Variants in ARID1B observed in about 807,000 individuals in gnomAD.
ARID1B encodes the protein AT-rich interaction domain 1B, also known as AT-rich interactive domain-containing protein 1B.
In ARID1B, 30 loss-of-function variants were observed where a neutral mutation model predicts 212.3. The observed-to-expected ratio is 0.14, with a 90% CI of 0.11 to 0.19. The LOEUF is 0.19. Among genes scored for constraint, ARID1B ranks in the 10% least tolerant of loss-of-function variants. The probability of loss-of-function intolerance (pLI) is 1.00; values close to 1 mark genes in which losing one functional copy is unlikely to be tolerated. For synonymous variants in ARID1B, 1,402 were observed against 1,301.7 expected, an observed-to-expected ratio of 1.08 and a Z score of -1.66; for missense variants, 2,891 against 3,204.0, an observed-to-expected ratio of 0.90 and a Z score of 2.36.
intron 2 of ARID1B, among the ~76,000 whole-genome samples, chr6:156,838,733 A>AATAAT (rs1049287456): frequency 2.0e-5 from 3 of 149,678 alleles, no homozygotes; most frequent in Non-Finnish European, 4.4e-5. Context: ...TAATAATAAT[A>AATAAT]AACAAAAAAA....
At chr6:157,117,625 G>T (rs1787409935) in intron 6 of ARID1B, among the ~76,000 whole-genome samples, 1 of 152,200 alleles carries the variant, frequency 6.6e-6, no homozygotes, top group Non-Finnish European at 1.5e-5. Flanking sequence ...GCAGGCTGGG[G>T]CTTCACAGAT....
intron 2 of ARID1B, among the ~76,000 whole-genome samples, chr6:156,847,205 G>A (rs994773033): frequency 6.6e-6 from 1 of 151,984 alleles, no homozygotes; most frequent in African/African-American, 2.4e-5. Flanking sequence ...TTAATACTGT[G>A]CTATCTGGTA....
In ARID1B at chr6:157,110,819, T is replaced by C. The variant is rs1360354137; in HGVS notation, c.2581+258T>C. ...TGTGTCCACATAGCACCATGAAGCA[T>C]GGTTCACATATGACTGTAGTCTGGT... On this transcript the variant is annotated intron_variant, in intron 6 of 19. Coordinates refer to ENST00000636930, the MANE Select transcript of ARID1B (RefSeq NM_001374828.1). 1.3e-5 allele frequency: 7 copies of C among 542,830 alleles called. No homozygotes were observed. In the African/African-American group the frequency reaches 1.3e-4, roughly 10 times the overall value. The allele number at this position is 542,830 out of a possible 1,614,324, so 33.6% of individuals were successfully genotyped here.
intron 1 of ARID1B, among the ~76,000 whole-genome samples, chr6:156,805,687 AATT>A (rs2127960313): frequency 6.6e-6 from 1 of 152,182 alleles, no homozygotes; most frequent in South Asian, 2.1e-4. Flanking sequence ...GCAACTTTTT[AATT>A]ATTTATTTAA....
chr6:156,893,954 G>T (rs1030514560), intron 2 of ARID1B, among the ~76,000 whole-genome samples: 5 of 152,098 alleles, frequency 3.3e-5, no homozygotes, highest in Non-Finnish European at 7.3e-5. Flanking sequence ...ACCCCAAGAC[G>T]TAAAAGCAAC....
At chr6:156,874,887 G>A (rs1786421871) in intron 2 of ARID1B, among the ~76,000 whole-genome samples, 1 of 152,122 alleles carries the variant, frequency 6.6e-6, no homozygotes, top group Non-Finnish European at 1.5e-5. Context: ...CTTGACTTAT[G>A]GTAATTGGAA....
intron 2 of ARID1B, among the ~76,000 whole-genome samples, chr6:156,833,002 C>T (rs1261359787): frequency 1.3e-5 from 2 of 152,190 alleles, no homozygotes; most frequent in Admixed American, 6.5e-5. Flanking sequence ...TAGTTTTGCA[C>T]GGTGCCCTAA....
At chr6:157,039,919 T>TTCCTTCC (rs1562570208) in intron 4 of ARID1B, among the ~76,000 whole-genome samples, 1 of 104,570 alleles carries the variant, frequency 9.6e-6, no homozygotes. Context: ...TCCTTCCTTC[T>TTCCTTCC]TTCTTTTCTT....
chr6:157,152,786 G>A (rs1790298534), intron 8 of ARID1B, among the ~76,000 whole-genome samples: 2 of 152,184 alleles, frequency 1.3e-5, no homozygotes. Context: ...GGCTCTGTTA[G>A]GTTGAAGTTA....
chr6:156,854,725 T>C (rs1020072778), intron 2 of ARID1B, among the ~76,000 whole-genome samples: 2 of 152,278 alleles, frequency 1.3e-5, no homozygotes, highest in Non-Finnish European at 2.9e-5. Flanking sequence ...AACACTGTGC[T>C]ATTTGCTTGT....
At chr6:156,832,077 A>G (rs1351592171) in intron 2 of ARID1B, among the ~76,000 whole-genome samples, 1 of 152,244 alleles carries the variant, frequency 6.6e-6, no homozygotes, top group Non-Finnish European at 1.5e-5. Flanking sequence ...ATAACATTTT[A>G]AAGAAGACAT....
intron 4 of ARID1B, among the ~76,000 whole-genome samples, chr6:157,044,656 T>G (rs1782108740): frequency 6.6e-6 from 1 of 152,236 alleles, no homozygotes; most frequent in African/African-American, 2.4e-5. Flanking sequence ...CTCTGTATCT[T>G]TTGTTACATT....
At chr6:156,992,474 G>C (rs1778326702) in intron 4 of ARID1B, among the ~76,000 whole-genome samples, 1 of 152,218 alleles carries the variant, frequency 6.6e-6, no homozygotes, top group South Asian at 2.1e-4. Flanking sequence ...TGGTTCCACA[G>C]CTTTGTTCTA....
chr6:156,780,745 A>G (rs1450945111), intron 1 of ARID1B, among the ~76,000 whole-genome samples: 4 of 152,254 alleles, frequency 2.6e-5, no homozygotes, highest in African/African-American at 7.2e-5. Flanking sequence ...ACAGAAAAAC[A>G]GTTCGCTGGT....
intron 1 of ARID1B, among the ~76,000 whole-genome samples, chr6:156,818,287 A>G (rs532860002): frequency 1.3e-5 from 2 of 152,158 alleles, no homozygotes; most frequent in African/African-American, 4.8e-5. Context: ...CCAGGGGCAA[A>G]TAGCCTGTGT....
Position 156,966,381 on chromosome 6 carries a change from CTTTTCTTTT to C in ARID1B, c.2247+30810_2247+30818del, listed in dbSNP as rs1291221073. Among the ~76,000 whole-genome samples, 529 of 89,296 alleles carry C rather than the reference CTTTTCTTTT, an allele frequency of 5.9e-3. 1 individual carries two copies. The highest frequency in any genetic ancestry group is 0.019 in the African/African-American group (502 of 26,124). The allele number at this position is 89,296 out of a possible 152,430, so 58.6% of individuals were successfully genotyped here. A position where few individuals can be genotyped will look rare whatever the true frequency, so the allele number is the denominator to read the frequency against. On this transcript the variant is annotated intron_variant, in intron 4 of 19. Transcript: ENST00000636930. ...TACAGACATAAATAACTTTTCTTTT[CTTTTCTTTT>C]TTTTTTTTTTTTTTTTTTTTGAGAC...
intron 4 of ARID1B, chr6:157,022,951 T>G (rs1283173469): frequency 2.2e-5 from 2 of 89,246 alleles, no homozygotes; most frequent in African/African-American, 7.1e-5. Context: ...ATTAACATTC[T>G]TCTGTTTTTA....
intron 7 of ARID1B, chr6:157,140,811 G>A (rs1000132662): frequency 2.5e-5 from 10 of 395,568 alleles, no homozygotes; most frequent in African/African-American, 4.1e-5. Context: ...CTTCTGCCCC[G>A]GGAGAGGCAG....
Position 156,906,425 on chromosome 6 carries a change from A to G in ARID1B, c.2136+4900A>G, listed in dbSNP as rs563282707. Among the ~76,000 whole-genome samples the G allele has an allele frequency of 4.0e-5, 6 of 151,716 alleles. No homozygotes were observed. In the East Asian group the frequency reaches 1.2e-3, roughly 29 times the overall value. ...AGCTGGGCGTGGAGGCGCGTCTGTA[A>G]TCCCAGCTACTCGGGAGGCTGAGGC... On this transcript the variant is annotated intron_variant, in intron 3 of 19. Transcript: ENST00000636930.
Sources: allele counts gnomAD v4.1 joint callset (sites outside exome capture counted in the v4.1 genomes callset), GRCh38; gene constraint gnomAD v4.1.1; transcripts MANE v1.5; gene names NCBI Gene and HGNC (gene_info 2026-07-23, HGNC 2026-07-21).